Variants in GLDC observed in about 807,000 individuals in gnomAD.
GLDC encodes the protein glycine decarboxylase.
Under a neutral mutation model 121.3 loss-of-function variants are expected in GLDC, and 104 were observed. That is an observed-to-expected ratio of 0.86 (90% CI 0.73 to 1.01). GLDC has a LOEUF of 1.01. Among genes scored for constraint, GLDC ranks in the 50% least tolerant of loss-of-function variants. The pLI is 0.00. For synonymous variants in GLDC, 546 were observed against 480.6 expected, an observed-to-expected ratio of 1.14 and a Z score of -1.78; for missense variants, 1,429 against 1,306.6, an observed-to-expected ratio of 1.09 and a Z score of -1.44.
At chr9:6,559,181 A>C (rs1039368800) in intron 16 of GLDC, among the ~76,000 whole-genome samples, 11 of 152,274 alleles carry the variant, frequency 7.2e-5, no homozygotes, top group Middle Eastern at 3.4e-3. Flanking sequence ...CTCTGTAATA[A>C]ATTATTAGTT....
intron 18 of GLDC, 21 bp downstream of exon 18, chr9:6,556,132 G>A (rs966649046): frequency 6.3e-7 from 1 of 1,598,842 alleles, no homozygotes; most frequent in Non-Finnish European, 8.6e-7. Context: ...GGAACTAAGG[G>A]CGGGCCTCTT....
intron 8 of GLDC, among the ~76,000 whole-genome samples, chr9:6,599,891 T>A (rs1818567217): frequency 6.6e-6 from 1 of 152,022 alleles, no homozygotes; most frequent in Non-Finnish European, 1.5e-5. Context: ...AAGGACCAAC[T>A]GAGGAAATGG....
chr9:6,583,153 C>A (rs895622294), intron 15 of GLDC, among the ~76,000 whole-genome samples: 9 of 152,172 alleles, frequency 5.9e-5, no homozygotes, highest in African/African-American at 2.2e-4. Context: ...GAAGACAGTA[C>A]GGCGATTCCT....
At chr9:6,638,748 C>T (rs1002123880) in intron 2 of GLDC, among the ~76,000 whole-genome samples, 2 of 152,034 alleles carry the variant, frequency 1.3e-5, no homozygotes, top group African/African-American at 4.8e-5. Flanking sequence ...CGGTGGCTCC[C>T]GCCTATAATC....
intron 16 of GLDC, among the ~76,000 whole-genome samples, chr9:6,564,716 C>G (rs1817820569): frequency 6.6e-6 from 1 of 152,240 alleles, no homozygotes. Context: ...GCCACTGCTA[C>G]AGGCACTGCC....
In GLDC at chr9:6,588,708, A is replaced by T. The variant is rs1373022958; in HGVS notation, c.1581-6T>A. On this transcript the variant is annotated splice_region_variant and splice_polypyrimidine_tract_variant and intron_variant, in intron 12 of 24. Transcript: ENST00000321612. ...TGTTTGTTTCAGAGTGGTAGCTGTG[A>T]ACACAAAACACAGAATTAGGGGCCC... The T allele has an allele frequency of 3.1e-6, 5 of 1,602,090 alleles. No homozygotes were observed. Among genetic ancestry groups the T allele is most frequent in the Non-Finnish European group, 4.3e-6 (5 of 1,169,170 alleles).
At chr9:6,568,879 C>T (rs1234635797) in intron 15 of GLDC, 1 of 152,136 alleles carries the variant, frequency 6.6e-6, no homozygotes, top group African/African-American at 2.4e-5. Flanking sequence ...AAAAACAAGA[C>T]CCTCCAGTGT....
intron 8 of GLDC, among the ~76,000 whole-genome samples, chr9:6,598,894 C>A (rs543037068): frequency 2.0e-5 from 3 of 152,152 alleles, no homozygotes; most frequent in Non-Finnish European, 4.4e-5. Context: ...GCAACAGGAA[C>A]ATAAGGCCGG....
At chr9:6,593,548 C>T (rs1402845052) in intron 9 of GLDC, among the ~76,000 whole-genome samples, 1 of 151,812 alleles carries the variant, frequency 6.6e-6, no homozygotes, top group East Asian at 1.9e-4. Flanking sequence ...GCAATTCTCC[C>T]ACCTCAGCCT....
chr9:6,621,364 A>G lies in GLDC; in HGVS notation c.335-1045T>C, dbSNP rs912452885. Among the ~76,000 whole-genome samples the G allele has an allele frequency of 2.6e-5, 4 of 152,182 alleles. No homozygotes were observed. In the South Asian group the frequency reaches 6.2e-4, roughly 24 times the overall value. Reference sequence around the variant, plus strand: ...ATTATTCCACCAGGAATTGTACCATATGCTTTTCGCACAGCCTAGGGTACT... The same window carrying G: ...ATTATTCCACCAGGAATTGTACCATGTGCTTTTCGCACAGCCTAGGGTACT... On this transcript the variant is annotated intron_variant, in intron 2 of 24. Transcript: ENST00000321612.
At chr9:6,569,879 G>A (rs1376812030) in intron 15 of GLDC, among the ~76,000 whole-genome samples, 1 of 152,070 alleles carries the variant, frequency 6.6e-6, no homozygotes, top group African/African-American at 2.4e-5. Flanking sequence ...GGGAGGCTGA[G>A]GCAGGAGAAT....
At chr9:6,621,403 G>C (rs12351620) in intron 2 of GLDC, among the ~76,000 whole-genome samples, 3,144 of 152,182 alleles carry the variant, frequency 0.021, 107 homozygotes, top group African/African-American at 0.072. Context: ...GATTGAAGAC[G>C]GTCACTTGGC....
chr9:6,594,887 G>C, intron 9 of GLDC, 127 bp downstream of exon 9: 2 of 729,684 alleles, frequency 2.7e-6, no homozygotes, highest in Non-Finnish European at 5.0e-6. Flanking sequence ...GATGTTGAAA[G>C]TATTTTTCCT....
chr9:6,595,101 C>G lies in GLDC; in HGVS notation c.1174G>C (p.Ala392Pro). ...CTAQALLANMAAMFAIYHGSH... is the reference protein window; with the variant it reads ...CTAQALLANMPAMFAIYHGSH... ...CCATGGTAGATTGCAAACATGGCAGCCATATTCGCCAAGAGGGCCTAAAAG... is the reference window on the plus strand; with the variant it reads ...CCATGGTAGATTGCAAACATGGCAGGCATATTCGCCAAGAGGGCCTAAAAG... The change falls in exon 9 of 25, where the codon GCT (alanine) becomes CCT (proline). Residue 392 changes from alanine (A) to proline (P), a missense_variant. Transcript: ENST00000321612. 1.2e-6 allele frequency: 2 copies of G among 1,611,512 alleles called. No individual in the cohort carries two copies. Among genetic ancestry groups the G allele is most frequent in the Non-Finnish European group, 1.7e-6 (2 of 1,177,712 alleles).
chr9:6,594,784 A>G (rs544719331), intron 9 of GLDC, among the ~76,000 whole-genome samples: 7 of 151,440 alleles, frequency 4.6e-5, no homozygotes, highest in African/African-American at 1.7e-4. Flanking sequence ...AAAAAGAAAG[A>G]AAGCAAGAAA....
chr9:6,608,108 C>A (rs966957423), intron 4 of GLDC, among the ~76,000 whole-genome samples: 4 of 151,652 alleles, frequency 2.6e-5, no homozygotes, highest in Non-Finnish European at 5.9e-5. Context: ...CAAAGTCAAA[C>A]CCTGCCTCAA....
At chr9:6,534,858 A>C in intron 23 of GLDC, 70 bp from the exon 24 acceptor site, 1 of 824,212 alleles carries the variant, frequency 1.2e-6, no homozygotes, top group Non-Finnish European at 2.1e-6. Flanking sequence ...CCTGCACCTC[A>C]ACCGTCAATC....
At chr9:6,540,448 C>A in intron 21 of GLDC, 1 of 392,124 alleles carries the variant, frequency 2.6e-6, no homozygotes, top group South Asian at 2.4e-5. Context: ...CCGGAGGTGT[C>A]TGGGGATGAG....
At chr9:6,568,750 G>A (rs925837341) in intron 15 of GLDC, 3 of 152,294 alleles carry the variant, frequency 2.0e-5, no homozygotes, top group African/African-American at 7.2e-5. Flanking sequence ...TTGGGAGGCT[G>A]AAGTGGGAGA....
Sources: allele counts gnomAD v4.1 joint callset (sites outside exome capture counted in the v4.1 genomes callset), GRCh38; gene constraint gnomAD v4.1.1; transcripts MANE v1.5; gene names NCBI Gene and HGNC (gene_info 2026-07-23, HGNC 2026-07-21).